The following SPATA9 variants were observed in gnomAD, a reference collection of about 807,000 sequenced individuals.
The protein encoded by SPATA9 is spermatogenesis associated 9.
A neutral mutation model predicts 25.5 loss-of-function variants in SPATA9; 27 were observed. The observed-to-expected ratio is 1.06, with a 90% confidence interval of 0.78 to 1.46. The LOEUF is 1.46. SPATA9 is among the 40% of genes most tolerant of loss of function. The pLI is 0.00. For missense variants in SPATA9, 282 were observed against 297.5 expected (o/e 0.95, Z 0.38); for synonymous variants, 102 against 105.7 (o/e 0.97, Z 0.21).
chr5:95,682,807 G>C lies in SPATA9; in HGVS notation c.48C>G (p.Asn16Lys). Residue 16 changes from asparagine (N) to lysine (K), a missense_variant, in exon 1 of 5, where the codon AAC (asparagine) becomes AAG (lysine). Physicochemically the swap from Asn to Lys is moderately conservative, Grantham distance 94 (BLOSUM62 0). Coordinates refer to ENST00000274432, the MANE Select transcript of SPATA9 (RefSeq NM_031952.4). Reference protein sequence around the residue: ...VGWICGQVLKNFSGRIEGIQK... With the variant: ...VGWICGQVLKKFSGRIEGIQK... Reference sequence around the variant, plus strand: ...GATTGTGTATACTTCTTCCAGAAAAGTTCTTCAACACCTGCCCACATATCC... The same window carrying C: ...GATTGTGTATACTTCTTCCAGAAAACTTCTTCAACACCTGCCCACATATCC... 1 of 1,547,944 alleles carries C rather than the reference G, an allele frequency of 6.5e-7. No homozygotes were observed. Among genetic ancestry groups the C allele is most frequent in the Non-Finnish European group, 8.7e-7 (1 of 1,151,426 alleles).
the SPATA9 span, chr5:95,732,085 GT>G: frequency 6.2e-7 from 1 of 1,613,540 alleles, no homozygotes; most frequent in Non-Finnish European, 8.5e-7. Flanking sequence ...TCCCGTCTGG[GT>G]AAGGAAGAGC....
intron 1 of SPATA9, among the ~76,000 whole-genome samples, chr5:95,693,594 T>C (rs1249558160): frequency 6.6e-6 from 1 of 152,216 alleles, no homozygotes; most frequent in Non-Finnish European, 1.5e-5. Flanking sequence ...ACCATTTCTT[T>C]CATTAGTAAC....
intron 2 of SPATA9, 98 bp downstream of exon 2, chr5:95,682,430 G>C: frequency 1.2e-6 from 1 of 868,644 alleles, no homozygotes; most frequent in Non-Finnish European, 1.7e-6. Flanking sequence ...CTAAAGTTTT[G>C]ATCACTGATC....
chr5:95,670,807 C>T, intron 3 of SPATA9: 1 of 980,070 alleles, frequency 1.0e-6, no homozygotes, highest in Non-Finnish European at 1.2e-6. Flanking sequence ...ACCTCTGCCA[C>T]ATCTCATACA....
upstream of SPATA9, among the ~76,000 whole-genome samples, chr5:95,699,201 C>T (rs1022204636): frequency 2.0e-5 from 3 of 152,170 alleles, no homozygotes; most frequent in African/African-American, 7.2e-5. Context: ...ACCAGGCTAA[C>T]CTGAGTTCAT....
chr5:95,668,334 ATTAC>A (rs1392927997), intron 3 of SPATA9, among the ~76,000 whole-genome samples: 4 of 152,220 alleles, frequency 2.6e-5, no homozygotes, highest in African/African-American at 9.6e-5. Context: ...GCTTTTAATA[ATTAC>A]TTTTTATTCC....
intron 3 of SPATA9, among the ~76,000 whole-genome samples, chr5:95,672,857 A>G (rs1303051889): frequency 1.3e-5 from 2 of 152,172 alleles, no homozygotes; most frequent in African/African-American, 4.8e-5. Flanking sequence ...TTGCCACTGA[A>G]TTTTCATGAG....
chr5:95,712,238 A>C, the SPATA9 span, among the ~76,000 whole-genome samples: 11 of 152,226 alleles, frequency 7.2e-5, no homozygotes, highest in Non-Finnish European at 1.6e-4. Flanking sequence ...AAGAACATGC[A>C]TGTCAGATTA....
intron 4 of SPATA9, chr5:95,659,294 C>T (rs571721064): frequency 6.1e-4 from 105 of 171,976 alleles, no homozygotes; most frequent in Middle Eastern, 5.8e-3. Flanking sequence ...TTTCTTCCCC[C>T]TAGACTTTGC....
chr5:95,716,337 C>G, the SPATA9 span, among the ~76,000 whole-genome samples: 3 of 152,226 alleles, frequency 2.0e-5, no homozygotes, highest in Admixed American at 2.0e-4. Flanking sequence ...CCATGGGAGC[C>G]CACCTCTTGC....
At chr5:95,702,385 A>G (rs981265204), upstream of SPATA9, among the ~76,000 whole-genome samples, 2 of 152,216 alleles carry the variant, frequency 1.3e-5, no homozygotes, top group Non-Finnish European at 2.9e-5. Context: ...TTTGCAGAGC[A>G]CTTCCAGGCA....
upstream of SPATA9, among the ~76,000 whole-genome samples, chr5:95,686,702 G>T (rs545996537): frequency 4.6e-5 from 7 of 152,158 alleles, no homozygotes; most frequent in East Asian, 1.9e-4. Context: ...GGACCCTCCT[G>T]GGGGGGTAAC....
chr5:95,681,801 C>T (rs968738251), intron 2 of SPATA9, among the ~76,000 whole-genome samples: 9 of 152,176 alleles, frequency 5.9e-5, no homozygotes, highest in African/African-American at 1.9e-4. Flanking sequence ...TTATATACCT[C>T]ATGTTTGACA....
At position 95,658,887 on chromosome 5, in the gene SPATA9, C is replaced by G. The variant is rs775864511; in HGVS notation, c.501G>C (p.Lys167Asn). ...YLAVCVNAVLKKVKNIFQEEE... is the reference protein window; with the variant it reads ...YLAVCVNAVLNKVKNIFQEEE... ...CTTCCTGGAAGATGTTCTTTACCTT[C>G]TTCAGCACAGCATTAACACAGACTG... Residue 167 changes from lysine (K) to asparagine (N), a missense_variant, in exon 5 of 5, where the codon AAG (lysine) becomes AAC (asparagine). Physicochemically the swap from Lys to Asn is moderately conservative, Grantham distance 94. Transcript: ENST00000274432. The G allele has an allele frequency of 6.2e-7, 1 of 1,613,382 alleles. No individual in the cohort carries two copies. Among genetic ancestry groups the G allele is most frequent in the Admixed American group, 1.7e-5 (1 of 59,902 alleles).
intron 2 of SPATA9, 138 bp from the exon 3 acceptor site, chr5:95,675,777 C>T: frequency 3.1e-6 from 2 of 639,580 alleles, no homozygotes; most frequent in Admixed American, 3.3e-5. Context: ...ATATTTCTGT[C>T]CCCCCATGAA....
chr5:95,731,359 C>G, the SPATA9 span: 3 of 1,136,116 alleles, frequency 2.6e-6, no homozygotes, highest in Non-Finnish European at 2.2e-6. Context: ...AGCTGCCAGC[C>G]GAGGAGGCGC....
At chr5:95,731,759 C>G in the SPATA9 span, 1 of 1,606,736 alleles carries the variant, frequency 6.2e-7, no homozygotes, top group Middle Eastern at 1.7e-4. Flanking sequence ...GGGCTGGTGC[C>G]CATCCTCGCC....
chr5:95,685,986 G>A (rs572667950), upstream of SPATA9, among the ~76,000 whole-genome samples: 45 of 152,034 alleles, frequency 3.0e-4, no homozygotes, highest in Non-Finnish European at 5.1e-4. Flanking sequence ...ACAGGCACCC[G>A]CGACCACGCC....
chr5:95,673,362 C>T (rs968213435), intron 3 of SPATA9, among the ~76,000 whole-genome samples: 1 of 133,226 alleles, frequency 7.5e-6, no homozygotes, highest in Non-Finnish European at 1.6e-5. Context: ...ACCCAAGGCT[C>T]GTTGTGTGTG....
Sources: allele counts gnomAD v4.1 joint callset (sites outside exome capture counted in the v4.1 genomes callset), GRCh38; gene constraint gnomAD v4.1.1; transcripts MANE v1.5; gene names NCBI Gene and HGNC (gene_info 2026-07-23, HGNC 2026-07-21).